The following RIMBP2 variants were observed in gnomAD, a reference collection of about 807,000 sequenced individuals.
RIMBP2 encodes the protein RIMS binding protein 2.
Under a neutral mutation model 118.6 loss-of-function variants are expected in RIMBP2, and 48 were observed. The ratio of observed to expected loss-of-function variants is 0.40; its 90% confidence interval spans 0.32 to 0.51. The LOEUF is 0.51. RIMBP2 is among the 20% of genes least tolerant of loss of function. The probability of loss-of-function intolerance (pLI) is 0.41; values close to 1 mark genes in which losing one functional copy is unlikely to be tolerated. For synonymous variants in RIMBP2, 762 were observed against 742.9 expected (o/e 1.03, Z -0.42); for missense variants, 1,551 against 1,768.3 (o/e 0.88, Z 2.20).
At chr12:130,711,863 C>T (rs1486473614) in intron 1 of RIMBP2, among the ~76,000 whole-genome samples, 2 of 152,240 alleles carry the variant, frequency 1.3e-5, no homozygotes, top group South Asian at 4.1e-4. Context: ...ACTGCACACA[C>T]GCCCGGGCCG....
intron 1 of RIMBP2, among the ~76,000 whole-genome samples, chr12:130,629,607 T>G (rs1466970368): frequency 6.6e-6 from 1 of 152,070 alleles, no homozygotes; most frequent in Admixed American, 6.6e-5. Flanking sequence ...AAACAGAAAT[T>G]AGACAGTCCA....
At chr12:130,607,917 G>C (rs1437210168) in intron 2 of RIMBP2, among the ~76,000 whole-genome samples, 1 of 152,186 alleles carries the variant, frequency 6.6e-6, no homozygotes, top group Non-Finnish European at 1.5e-5. Context: ...GTGGGAATGT[G>C]TGGGGGTCAG....
chr12:130,699,652 A>G (rs1247614225), intron 1 of RIMBP2, among the ~76,000 whole-genome samples: 1 of 151,954 alleles, frequency 6.6e-6, no homozygotes, highest in South Asian at 2.1e-4. Context: ...TGGGTGCAGC[A>G]CACCAACACG....
intron 2 of RIMBP2, among the ~76,000 whole-genome samples, chr12:130,593,704 G>A (rs905331107): frequency 7.2e-5 from 11 of 152,176 alleles, no homozygotes; most frequent in Non-Finnish European, 1.3e-4. Context: ...ATGTTAGCAA[G>A]TATTTTTTTC....
At chr12:130,440,057 C>G (rs940268578) in intron 11 of RIMBP2, among the ~76,000 whole-genome samples, 35 of 151,778 alleles carry the variant, frequency 2.3e-4, no homozygotes, top group Non-Finnish European at 4.1e-4. Context: ...CTTGCACCAC[C>G]ATCCCCGGGC....
intron 1 of RIMBP2, among the ~76,000 whole-genome samples, chr12:130,715,695 C>G (rs538220094): frequency 2.0e-5 from 3 of 152,194 alleles, no homozygotes; most frequent in Non-Finnish European, 2.9e-5. Context: ...AGCCTGCGGG[C>G]TTTGTGCATT....
chr12:130,443,319 A>G (rs950447099), intron 10 of RIMBP2, among the ~76,000 whole-genome samples: 19 of 151,886 alleles, frequency 1.3e-4, no homozygotes, highest in African/African-American at 4.6e-4. Context: ...GTATTTTGTG[A>G]AAGTCTAACT....
At chr12:130,496,015 G>T (rs917132872) in intron 4 of RIMBP2, among the ~76,000 whole-genome samples, 1 of 152,202 alleles carries the variant, frequency 6.6e-6, no homozygotes, top group African/African-American at 2.4e-5. Flanking sequence ...TGATTCTGCC[G>T]CTGACTCATT....
intron 1 of RIMBP2, among the ~76,000 whole-genome samples, chr12:130,659,403 C>G (rs899074072): frequency 1.2e-4 from 18 of 152,014 alleles, no homozygotes; most frequent in African/African-American, 4.3e-4. Flanking sequence ...AACCCCATCT[C>G]TACTAAAAAT....
chr12:130,484,202 C>T (rs993173006), intron 4 of RIMBP2, among the ~76,000 whole-genome samples: 5 of 152,184 alleles, frequency 3.3e-5, no homozygotes, highest in African/African-American at 4.8e-5. Context: ...GGGAGTAAAG[C>T]GGCATGCTGT....
chr12:130,646,107 C>A (rs1053970956), intron 1 of RIMBP2, among the ~76,000 whole-genome samples: 1 of 132,546 alleles, frequency 7.5e-6, no homozygotes, highest in Admixed American at 7.6e-5. Context: ...ACCTCCCTCT[C>A]CACCTCCCTC....
intron 11 of RIMBP2, among the ~76,000 whole-genome samples, chr12:130,439,117 G>A (rs896376229): frequency 6.6e-6 from 1 of 152,078 alleles, no homozygotes; most frequent in African/African-American, 2.4e-5. Flanking sequence ...TTGAACCTGA[G>A]AATCCATTTC....
At chr12:130,449,344 C>G (rs12305875) in intron 9 of RIMBP2, among the ~76,000 whole-genome samples, 8 of 152,186 alleles carry the variant, frequency 5.3e-5, no homozygotes, top group African/African-American at 1.7e-4. Flanking sequence ...TCCTTGCCCA[C>G]GTCCGCCTCT....
At position 130,659,462 on chromosome 12, in the gene RIMBP2, C is replaced by G. The variant is rs982840559; in HGVS notation, c.-351-31006G>C. Among the ~76,000 whole-genome samples the G allele has an allele frequency of 4.6e-5, 7 of 150,924 alleles. No individual in the cohort carries two copies. The Middle Eastern group carries it at 0.014, about 302-fold the overall frequency. ...GGTGGCGCCTGTAGTCCCAGCTACT[C>G]GGAGGCTGAGGCAGGAGAATGGCGT... On this transcript the variant is annotated intron_variant, in intron 1 of 22. Coordinates refer to ENST00000690449, the MANE Select transcript of RIMBP2 (RefSeq NM_001393629.1).
At position 130,428,356 on chromosome 12, in the gene RIMBP2, G is replaced by A; in HGVS notation, c.2254-19C>T. 6.3e-7 allele frequency: 1 copy of A among 1,595,352 alleles called. No homozygotes were observed. Among genetic ancestry groups the A allele is most frequent in the Non-Finnish European group, 8.5e-7 (1 of 1,169,828 alleles). ...AGTGCGGCTGGGGGCCAAGAAAAGG[G>A]GCTACTGAGCGGGTGGCTCCTCCCG... is the stretch of plus-strand genomic sequence containing the variant. On this transcript the variant is annotated intron_variant, in intron 14 of 22. Transcript: ENST00000690449.
intron 1 of RIMBP2, among the ~76,000 whole-genome samples, chr12:130,707,084 G>T (rs2066156485): frequency 6.6e-6 from 1 of 152,200 alleles, no homozygotes; most frequent in Non-Finnish European, 1.5e-5. Context: ...CTTGAGCAGG[G>T]CCCGGGCGTG....
Position 130,414,102 on chromosome 12 carries a change from GCCCGCAGGCAGCCAT to G in RIMBP2, c.3420+8_3420+22del. On this transcript the variant is annotated splice_region_variant and intron_variant, in intron 18 of 22. Transcript: ENST00000690449. ...ACCCGCCTCAGGGGCTGATGAAGCC[GCCCGCAGGCAGCCAT>G]CCCGCACCTTGATGATCTGGCCTTC... 1.2e-6 allele frequency: 2 copies of G among 1,613,128 alleles called. No individual in the cohort carries two copies. The highest frequency in any genetic ancestry group is 8.5e-7 in the Non-Finnish European group (1 of 1,179,556).
chr12:130,533,886 C>T (rs1302823104), intron 2 of RIMBP2, among the ~76,000 whole-genome samples: 1 of 152,120 alleles, frequency 6.6e-6, no homozygotes, highest in African/African-American at 2.4e-5. Context: ...GAATGATAGG[C>T]TGGGTGCGGT....
chr12:130,565,267 G>A (rs2057129637), intron 2 of RIMBP2, among the ~76,000 whole-genome samples: 1 of 152,104 alleles, frequency 6.6e-6, no homozygotes, highest in African/African-American at 2.4e-5. Context: ...TACAAATGTT[G>A]TCAAGGATGT....
Sources: gnomAD v4.1 joint callset for allele counts (sites outside exome capture counted in the v4.1 genomes callset) on GRCh38, gnomAD v4.1.1 for gene constraint, MANE v1.5 for transcripts, NCBI Gene and HGNC (gene_info 2026-07-23, HGNC 2026-07-21) for gene names.